ARVCF: variants seen among roughly 807,000 people sequenced by gnomAD.
ARVCF encodes the protein splicing regulator ARVCF.
In ARVCF, 66 loss-of-function variants were observed where a neutral mutation model predicts 90.9. That is an observed-to-expected ratio of 0.73 (90% CI 0.60 to 0.89). ARVCF has a LOEUF of 0.89. ARVCF is among the 40% of genes least tolerant of loss of function. The pLI, the probability that ARVCF is intolerant of heterozygous loss-of-function variation, is 0.00. For synonymous variants in ARVCF, 653 were observed against 603.4 expected (o/e 1.08, Z -1.21); for missense variants, 1,469 against 1,382.3 (o/e 1.06, Z -1.00).
chr22:19,979,199 G>C, intron 6 of ARVCF, 119 bp from the exon 7 acceptor site: 4 of 1,151,698 alleles, frequency 3.5e-6, no homozygotes, highest in Middle Eastern at 2.3e-4. Context: ...CAGAACAGTA[G>C]GAAGTAACAA....
intron 19 of ARVCF, 41 bp from the exon 20 acceptor site, chr22:19,970,784 G>A: frequency 7.7e-7 from 1 of 1,293,452 alleles, no homozygotes; most frequent in Non-Finnish European, 1.0e-6. Flanking sequence ...CAGCCACTGA[G>A]TGGCACAGGA....
chr22:20,001,683 T>C, intron 2 of ARVCF, among the ~76,000 whole-genome samples: 1 of 152,142 alleles, frequency 6.6e-6, no homozygotes, highest in Non-Finnish European at 1.5e-5. Context: ...GGTGCATGCC[T>C]GTAATCCCAG....
intron 2 of ARVCF, among the ~76,000 whole-genome samples, chr22:19,992,790 A>G (rs1481329094): frequency 6.6e-6 from 1 of 152,064 alleles, no homozygotes; most frequent in East Asian, 1.9e-4. Context: ...CCCATCCCCC[A>G]TCTAGCAGGA....
chr22:19,969,114 C>T (rs896155299), downstream of ARVCF: 16 of 224,280 alleles, frequency 7.1e-5, no homozygotes, highest in East Asian at 2.5e-4. Context: ...CCTTGACGGA[C>T]GCTAACGCTA....
rs1478898014 is a variant in ARVCF, at chr22:19,970,251, G to T, written c.*505C>A. 3 of 989,212 alleles carry T rather than the reference G, an allele frequency of 3.0e-6. No individual in the cohort carries two copies. The East Asian group carries it at 3.3e-4, about 110-fold the overall frequency. 61.3% of individuals were successfully genotyped at this position (989,212 alleles called of 1,614,324 possible). A position where few individuals can be genotyped will look rare whatever the true frequency, so the allele number is the denominator to read the frequency against. On this transcript the variant is annotated 3_prime_UTR_variant, in exon 20 of 20. Coordinates refer to ENST00000263207, the MANE Select transcript of ARVCF (RefSeq NM_001670.3). ...CTTGCCCAGGGCTGGGCCTTGTGGGGCACCCCCCACACCGTGGTCTGCCTG... is the reference window on the plus strand; with the variant it reads ...CTTGCCCAGGGCTGGGCCTTGTGGGTCACCCCCCACACCGTGGTCTGCCTG...
intron 2 of ARVCF, among the ~76,000 whole-genome samples, chr22:20,000,931 G>A (rs1224682471): frequency 6.6e-6 from 1 of 152,140 alleles, no homozygotes. Flanking sequence ...CTCCATCTAA[G>A]GTATTTGGTG....
chr22:20,010,034 G>A (rs547037602), intron 2 of ARVCF, among the ~76,000 whole-genome samples: 2 of 152,322 alleles, frequency 1.3e-5, no homozygotes, highest in South Asian at 2.1e-4. Context: ...CTCTGTCCCT[G>A]TGGCTCCAGT....
chr22:19,992,375 C>T (rs763345466), intron 2 of ARVCF, among the ~76,000 whole-genome samples: 2 of 152,146 alleles, frequency 1.3e-5, no homozygotes, highest in South Asian at 2.1e-4. Flanking sequence ...GCAGACTGGG[C>T]GCTCCAGCAA....
chr22:19,972,648 C>A, intron 16 of ARVCF, 89 bp downstream of exon 16: 1 of 1,398,338 alleles, frequency 7.2e-7, no homozygotes, highest in South Asian at 1.4e-5. Flanking sequence ...AGTGGGAGGC[C>A]TGACTCCTCC....
intron 1 of ARVCF, among the ~76,000 whole-genome samples, chr22:20,015,109 G>A (rs191537917): frequency 4.6e-5 from 7 of 152,342 alleles, no homozygotes; most frequent in African/African-American, 1.7e-4. Flanking sequence ...ACCTTGGTCA[G>A]AAGGTCCTTG....
rs1009989775 is a variant in ARVCF at position 19,970,039 on chromosome 22, C to G, written c.*717G>C. On this transcript the variant is annotated 3_prime_UTR_variant, in exon 20 of 20. Coordinates refer to ENST00000263207, the MANE Select transcript of ARVCF (RefSeq NM_001670.3). ...GAACAGCAGGCACTGAAAGCAGTCC[C>G]CCAGCCACTGCCGAAGGTCAGTCCC... 13 of 985,506 alleles carry G rather than the reference C, an allele frequency of 1.3e-5. No individual in the cohort carries two copies. The highest frequency in any genetic ancestry group is 6.1e-5 in the Admixed American group (1 of 16,268). 61.0% of individuals were successfully genotyped at this position (985,506 alleles called of 1,614,324 possible).
Position 19,972,725 on chromosome 22 carries a change from T to C in ARVCF, c.2641+12A>G, listed in dbSNP as rs775022925. The C allele has an allele frequency of 1.2e-6, 2 of 1,602,272 alleles. No individual in the cohort carries two copies. The highest frequency in any genetic ancestry group is 3.4e-5 in the Admixed American group (2 of 58,936). On this transcript the variant is annotated intron_variant, in intron 16 of 19. Coordinates refer to ENST00000263207, the MANE Select transcript of ARVCF (RefSeq NM_001670.3). Reference sequence around the variant, plus strand: ...TCGCCACCCTCTAGGCTCCCTAAGCTCCACCACTCACCAAGGCTCTTGTCC... The same window carrying C: ...TCGCCACCCTCTAGGCTCCCTAAGCCCCACCACTCACCAAGGCTCTTGTCC...
intron 18 of ARVCF, 137 bp downstream of exon 18, chr22:19,971,749 T>C: frequency 1.1e-6 from 1 of 884,536 alleles, no homozygotes; most frequent in African/African-American, 1.6e-5. Flanking sequence ...GTGAAGGGGC[T>C]GCTTCCTGGG....
chr22:19,977,120 T>C (rs1335241093), intron 9 of ARVCF, among the ~76,000 whole-genome samples: 1 of 152,194 alleles, frequency 6.6e-6, no homozygotes, highest in Non-Finnish European at 1.5e-5. Flanking sequence ...TCCCAACTCA[T>C]GGGCAAGTGG....
intron 2 of ARVCF, among the ~76,000 whole-genome samples, chr22:19,993,223 C>T (rs1944096784): frequency 1.3e-5 from 2 of 152,116 alleles, no homozygotes; most frequent in Non-Finnish European, 2.9e-5. Context: ...GGGATATGCT[C>T]CAGGCAGAGC....
At chr22:19,989,777 C>A (rs1399068394) in intron 3 of ARVCF, among the ~76,000 whole-genome samples, 1 of 152,222 alleles carries the variant, frequency 6.6e-6, no homozygotes, top group Admixed American at 6.5e-5. Flanking sequence ...CCAGAGGCCG[C>A]AGCAGGAGGC....
chr22:20,000,554 CACTACA>C (rs1379673361), intron 2 of ARVCF, among the ~76,000 whole-genome samples: 2 of 152,186 alleles, frequency 1.3e-5, no homozygotes, highest in Non-Finnish European at 2.9e-5. Flanking sequence ...GTCCAGTCCC[CACTACA>C]AAGAGGTGGG....
At chr22:19,976,840 G>T (rs997634418) in intron 9 of ARVCF, 117 bp from the exon 10 acceptor site, 24 of 1,202,558 alleles carry the variant, frequency 2.0e-5, no homozygotes, top group Non-Finnish European at 2.7e-5. Context: ...GGATCAAGCA[G>T]GCAGCATGTG....
At chr22:19,991,798 A>G (rs1025847805) in intron 2 of ARVCF, among the ~76,000 whole-genome samples, 7 of 152,252 alleles carry the variant, frequency 4.6e-5, no homozygotes, top group African/African-American at 1.7e-4. Flanking sequence ...GCTCCAATCC[A>G]GGCTCACCAC....
Sources: gnomAD v4.1 joint callset for allele counts (sites outside exome capture counted in the v4.1 genomes callset) on GRCh38, gnomAD v4.1.1 for gene constraint, MANE v1.5 for transcripts, NCBI Gene and HGNC (gene_info 2026-07-23, HGNC 2026-07-21) for gene names.